ZNG1B: variants seen among roughly 807,000 people sequenced by gnomAD.
ZNG1B encodes the protein zinc-regulated GTPase metalloprotein activator 1B.
the ZNG1B span, among the ~76,000 whole-genome samples, chr2:113,438,270 T>G: frequency 3.0e-3 from 453 of 152,304 alleles, 4 homozygotes; most frequent in Middle Eastern, 0.037. Flanking sequence ...GAAACAAGGC[T>G]TTGACGCTAA....
the ZNG1B span, among the ~76,000 whole-genome samples, chr2:113,475,627 C>T: frequency 6.6e-6 from 1 of 151,908 alleles, no homozygotes; most frequent in African/African-American, 2.4e-5. Context: ...GTGGCTGGTA[C>T]CGGTTGTTCC....
At chr2:113,444,391 T>A in the ZNG1B span, 1 of 154,350 alleles carries the variant, frequency 6.5e-6, no homozygotes, top group Admixed American at 6.3e-5. Flanking sequence ...TTCTAGTGAA[T>A]TAAATCTCTT....
At chr2:113,461,233 A>AT in the ZNG1B span, among the ~76,000 whole-genome samples, 648 of 148,284 alleles carry the variant, frequency 4.4e-3, no homozygotes, top group Non-Finnish European at 7.3e-3. Context: ...TTTTTTTTAA[A>AT]TTTTTTTATT....
At chr2:113,460,693 T>G in the ZNG1B span, 32 of 1,594,888 alleles carry the variant, frequency 2.0e-5, no homozygotes, top group South Asian at 7.7e-5. Flanking sequence ...AAGAGAAACC[T>G]GATGGCCTTA....
chr2:113,475,065 ATCTG>A, the ZNG1B span, among the ~76,000 whole-genome samples: 1 of 147,430 alleles, frequency 6.8e-6, no homozygotes, highest in Admixed American at 6.8e-5. Context: ...TGTCTCATTG[ATCTG>A]TCTAATGTTG....
chr2:113,450,453 TTA>T, the ZNG1B span, among the ~76,000 whole-genome samples: 2 of 150,528 alleles, frequency 1.3e-5, no homozygotes, highest in Non-Finnish European at 2.9e-5. Context: ...AGTCATTGTG[TTA>T]TATAGGCTCT....
At chr2:113,474,165 TC>T in the ZNG1B span, among the ~76,000 whole-genome samples, 1 of 152,078 alleles carries the variant, frequency 6.6e-6, no homozygotes, top group Non-Finnish European at 1.5e-5. Flanking sequence ...CAATTTCAGA[TC>T]CTGTTATTGG....
At chr2:113,488,474 A>G in the ZNG1B span, among the ~76,000 whole-genome samples, 5 of 152,144 alleles carry the variant, frequency 3.3e-5, no homozygotes, top group Non-Finnish European at 5.9e-5. Context: ...ACACCCCCCA[A>G]AAAATCACAC....
the ZNG1B span, among the ~76,000 whole-genome samples, chr2:113,473,194 TC>T: frequency 5.3e-5 from 8 of 151,914 alleles, no homozygotes; most frequent in African/African-American, 1.9e-4. Flanking sequence ...CTTGAAGAGG[TC>T]CTTCACATCC....
At chr2:113,493,340 C>T in the ZNG1B span, among the ~76,000 whole-genome samples, 1 of 125,792 alleles carries the variant, frequency 7.9e-6, no homozygotes. Context: ...ATCTTCACTC[C>T]CCAGGATTGT....
the ZNG1B span, chr2:113,468,517 A>C: frequency 6.3e-5 from 9 of 143,852 alleles, 1 homozygote; most frequent in African/African-American, 2.5e-4. Context: ...AGTTCAAGAA[A>C]TTAGGAGAAA....
At chr2:113,477,836 A>G in the ZNG1B span, among the ~76,000 whole-genome samples, 1 of 152,174 alleles carries the variant, frequency 6.6e-6, no homozygotes, top group East Asian at 1.9e-4. Flanking sequence ...CTGTCTTCAT[A>G]GCCCCTGGCA....
the ZNG1B span, among the ~76,000 whole-genome samples, chr2:113,443,070 G>A: frequency 2.6e-5 from 4 of 151,354 alleles, no homozygotes; most frequent in Admixed American, 6.6e-5. Context: ...CCGGGTTCAC[G>A]CCATTCTCCT....
At chr2:113,469,117 A>G in the ZNG1B span, 2 of 151,456 alleles carry the variant, frequency 1.3e-5, no homozygotes, top group Non-Finnish European at 3.0e-5. Context: ...AACTTCATTC[A>G]TTTGGTTTAT....
the ZNG1B span, among the ~76,000 whole-genome samples, chr2:113,443,114 G>A: frequency 1.1e-3 from 163 of 151,798 alleles, 1 homozygote; most frequent in Non-Finnish European, 1.9e-3. Flanking sequence ...GACTACAGGC[G>A]CCCGCTACCA....
chr2:113,478,135 G>A, the ZNG1B span, among the ~76,000 whole-genome samples: 56 of 152,050 alleles, frequency 3.7e-4, no homozygotes, highest in African/African-American at 1.1e-3. Flanking sequence ...CATAAGTCTC[G>A]TATATGTCCA....
the ZNG1B span, among the ~76,000 whole-genome samples, chr2:113,445,854 T>G: frequency 1.3e-5 from 2 of 151,564 alleles, no homozygotes; most frequent in Non-Finnish European, 2.9e-5. Context: ...TAAAACTATA[T>G]TAAAGTATTT....
the ZNG1B span, among the ~76,000 whole-genome samples, chr2:113,487,422 T>G: frequency 1.3e-5 from 2 of 152,188 alleles, no homozygotes; most frequent in East Asian, 3.9e-4. Context: ...CCACAAATTT[T>G]TAAGGGTACA....
the ZNG1B span, among the ~76,000 whole-genome samples, chr2:113,439,921 G>T: frequency 6.5e-5 from 7 of 108,168 alleles, no homozygotes; most frequent in East Asian, 2.1e-3. Context: ...GTCTCGCTCT[G>T]TCGCCCAGGC....
Sources: allele counts gnomAD v4.1 joint callset (sites outside exome capture counted in the v4.1 genomes callset), GRCh38; gene constraint gnomAD v4.1.1; transcripts MANE v1.5; gene names NCBI Gene and HGNC (gene_info 2026-07-23, HGNC 2026-07-21).